PRKCG: variants seen among roughly 807,000 people sequenced by gnomAD.
PRKCG encodes the protein protein kinase C gamma.
Under a neutral mutation model 82.0 loss-of-function variants are expected in PRKCG, and 28 were observed. The observed-to-expected ratio is 0.34, with a 90% CI of 0.25 to 0.47. PRKCG has a LOEUF of 0.47. Among genes scored for constraint, PRKCG ranks in the 20% least tolerant of loss-of-function variants. PRKCG has a pLI of 1.00. For synonymous variants in PRKCG, 383 were observed against 376.6 expected (o/e 1.02, Z -0.20); for missense variants, 640 against 952.7 (o/e 0.67, Z 4.32).
Position 53,884,987 on chromosome 19 carries a change from G to A in PRKCG, c.285+744G>A, listed in dbSNP as rs1008679768. Among the ~76,000 whole-genome samples the A allele has an allele frequency of 6.6e-6, 1 of 152,146 alleles. No individual in the cohort carries two copies. The highest frequency in any genetic ancestry group is 2.4e-5 in the African/African-American group (1 of 41,428). On this transcript the variant is annotated intron_variant, in intron 3 of 17. Transcript: ENST00000263431. This position sits in a 1 kb window ranked among gnomAD's most constrained non-coding sequence, Gnocchi z 4.6. ...GGCTCACAAGACCAGTCAACCCTGA[G>A]TGCCCATTCCCGTTCCCTTTTCTGC... is the stretch of plus-strand genomic sequence containing the variant.
In PRKCG at chr19:53,900,912, T is replaced by C. The variant is rs1361607509; in HGVS notation, c.1575+163T>C. Among the ~76,000 whole-genome samples the C allele has an allele frequency of 6.6e-6, 1 of 152,226 alleles. No individual in the cohort carries two copies. The highest frequency in any genetic ancestry group is 1.5e-5 in the Non-Finnish European group (1 of 68,032). On this transcript the variant is annotated intron_variant, in intron 14 of 17. Coordinates refer to ENST00000263431, the MANE Select transcript of PRKCG (RefSeq NM_002739.5). This position sits in a 1 kb window ranked among gnomAD's most constrained non-coding sequence, Gnocchi z 4.2. ...CCTCCAGCCTCCAGCACAGGTGAGC[T>C]TGGCACTGAGCCTGCCAGGTGGGCC...
In PRKCG at chr19:53,900,508, A is replaced by C; in HGVS notation, c.1436+27A>C. 1 of 1,614,108 alleles carries C rather than the reference A, an allele frequency of 6.2e-7. No homozygotes were observed. Among genetic ancestry groups the C allele is most frequent in the Non-Finnish European group, 8.5e-7 (1 of 1,179,970 alleles). ...TGAGCAGCCCCAGGAATTTCCGTGG[A>C]GGAAATCACGCCCCTGGAAGGGAAG... On this transcript the variant is annotated intron_variant, in intron 13 of 17. Transcript: ENST00000263431. The surrounding 1 kb of genome is among the most constrained non-coding windows in gnomAD (Gnocchi z 4.2).
intron 8 of PRKCG, 125 bp from the exon 9 acceptor site, chr19:53,893,237 G>A: frequency 7.6e-7 from 1 of 1,310,390 alleles, no homozygotes; most frequent in Non-Finnish European, 1.1e-6. Context: ...GAGCCCCAGG[G>A]TCTGATGGGA....
chr19:53,883,108 G>GT lies in PRKCG; in HGVS notation c.171-53dup. ...CGCAGGCCCCCTGTGGCTCGCAGAG[G>GT]TTGGGGGTCCAGGTACCCCTTTCTG... On this transcript the variant is annotated intron_variant, in intron 1 of 17. Transcript: ENST00000263431. The surrounding 1 kb of genome is among the most constrained non-coding windows in gnomAD (Gnocchi z 5.4). The GT allele has an allele frequency of 6.2e-7, 1 of 1,609,602 alleles. No individual in the cohort carries two copies.
At chr19:53,890,748 ATT>A (rs540543756) in intron 5 of PRKCG, among the ~76,000 whole-genome samples, 26,664 of 119,214 alleles carry the variant, frequency 0.22, 2,623 homozygotes, top group South Asian at 0.32. Flanking sequence ...CATCCGGCTA[ATT>A]TTTTTTTTTT....
chr19:53,901,864 AAAG>A (rs1353012537), intron 14 of PRKCG, among the ~76,000 whole-genome samples: 5 of 150,650 alleles, frequency 3.3e-5, no homozygotes, highest in African/African-American at 1.2e-4. Flanking sequence ...AAAAAAAAAA[AAAG>A]AAAAAGAAAA....
intron 14 of PRKCG, 120 bp from the exon 15 acceptor site, chr19:53,902,953 A>T: frequency 3.0e-6 from 2 of 668,952 alleles, no homozygotes; most frequent in African/African-American, 1.8e-5. Flanking sequence ...AAATATTCAG[A>T]GTGGGAAGAG....
chr19:53,894,707 G>A (rs963868518), intron 9 of PRKCG, among the ~76,000 whole-genome samples: 7 of 152,150 alleles, frequency 4.6e-5, no homozygotes, highest in African/African-American at 7.2e-5. Context: ...TGATCCACCC[G>A]CCTTGGCCTC....
In PRKCG at chr19:53,888,279, T is replaced by C. The variant is rs10404792; in HGVS notation, c.286-1359T>C. 8.7e-3 allele frequency among the ~76,000 whole-genome samples: 1,330 copies of C among 152,218 alleles called. 22 individuals carry two copies. The highest frequency in any genetic ancestry group is 0.031 in the African/African-American group (1,274 of 41,536). Reference sequence around the variant, plus strand: ...ATTCAAACTAGAAACCCCACTAACATAGATGAAAATCCAAGAATGGCCTAA... The same window carrying C: ...ATTCAAACTAGAAACCCCACTAACACAGATGAAAATCCAAGAATGGCCTAA... On this transcript the variant is annotated intron_variant, in intron 3 of 17. Coordinates refer to ENST00000263431, the MANE Select transcript of PRKCG (RefSeq NM_002739.5).
chr19:53,896,709 C>T lies in PRKCG; in HGVS notation c.940-1250C>T, dbSNP rs530399446. On this transcript the variant is annotated intron_variant, in intron 9 of 17. Transcript: ENST00000263431. ...TGCTGGGATTACAGGCATGAGCCACCGCACCCAGCCCTCAACAAATATTTA... is the reference window on the plus strand; with the variant it reads ...TGCTGGGATTACAGGCATGAGCCACTGCACCCAGCCCTCAACAAATATTTA... Among the ~76,000 whole-genome samples, 17 of 152,246 alleles carry T rather than the reference C, an allele frequency of 1.1e-4. No homozygotes were observed. In the East Asian group the frequency reaches 1.9e-3, roughly 17 times the overall value.
intron 9 of PRKCG, among the ~76,000 whole-genome samples, chr19:53,895,188 GACATTAA>G (rs1341026375): frequency 6.6e-6 from 1 of 152,112 alleles, no homozygotes; most frequent in African/African-American, 2.4e-5. Context: ...CCGGGAGGAA[GACATTAA>G]ACAAAATATA....
chr19:53,902,906 A>AC (rs1555808291), intron 14 of PRKCG, among the ~76,000 whole-genome samples, 167 bp from the exon 15 acceptor site: 4 of 150,266 alleles, frequency 2.7e-5, no homozygotes, highest in African/African-American at 5.0e-5. Context: ...AAAAAAAAAA[A>AC]AAAAAAAAAA....
Position 53,900,185 on chromosome 19 carries a change from A to G in PRKCG, c.1282-48A>G, listed in dbSNP as rs376997688. The G allele has an allele frequency of 1.3e-6, 2 of 1,543,822 alleles. No individual in the cohort carries two copies. Among genetic ancestry groups the G allele is most frequent in the Non-Finnish European group, 9.0e-7 (1 of 1,116,462 alleles). On this transcript the variant is annotated intron_variant, in intron 11 of 17. Transcript: ENST00000263431. The surrounding 1 kb of genome is among the most constrained non-coding windows in gnomAD (Gnocchi z 4.2). ...GAGTGATCAGGAAAGAAATTCTCCTACTCTGGGTAGATGGATCCCGCCTCT... is the reference window on the plus strand; with the variant it reads ...GAGTGATCAGGAAAGAAATTCTCCTGCTCTGGGTAGATGGATCCCGCCTCT...
rs762064442 is a variant in PRKCG, at chr19:53,900,571, A to G, written c.1437-40A>G. On this transcript the variant is annotated intron_variant, in intron 13 of 17. Coordinates refer to ENST00000263431, the MANE Select transcript of PRKCG (RefSeq NM_002739.5). This position sits in a 1 kb window ranked among gnomAD's most constrained non-coding sequence, Gnocchi z 4.2. ...GTGGCTCTAGACTGCTGAACTCAAC[A>G]CTTCTTGCAATTCCTGCCCCACACC... is the stretch of plus-strand genomic sequence containing the variant. 6.8e-6 allele frequency: 11 copies of G among 1,614,002 alleles called. No individual in the cohort carries two copies. The Admixed American group carries it at 1.8e-4, about 27-fold the overall frequency.
At chr19:53,905,017 T>C (rs2068791419) in intron 16 of PRKCG, among the ~76,000 whole-genome samples, 1 of 152,160 alleles carries the variant, frequency 6.6e-6, no homozygotes, top group African/African-American at 2.4e-5. Flanking sequence ...TCTGTCTGTC[T>C]AGAACTGGGT....
At position 53,900,645 on chromosome 19, in the gene PRKCG, G is replaced by A. The variant is rs756810096; in HGVS notation, c.1471G>A (p.Glu491Lys). The A allele has an allele frequency of 1.9e-6, 3 of 1,614,214 alleles. No individual in the cohort carries two copies. In the East Asian group the frequency reaches 6.7e-5, roughly 36 times the overall value. The change falls in exon 14 of 18, where the codon GAG becomes AAG. Residue 491 changes from glutamate (E) to lysine (K), a missense_variant. Glu to Lys is a moderately conservative substitution (Grantham distance 56). Transcript: ENST00000263431. The surrounding 1 kb of genome is among the most constrained non-coding windows in gnomAD (Gnocchi z 4.2). ...GCTGGACAATGTGATGCTGGATGCT[G>A]AGGGACACATCAAGATCACTGACTT... ...LKLDNVMLDA[E>K]GHIKITDFGM...
Position 53,901,145 on chromosome 19 carries a change from G to A in PRKCG, c.1575+396G>A, listed in dbSNP as rs151329290. Among the ~76,000 whole-genome samples, 522 of 152,334 alleles carry A rather than the reference G, an allele frequency of 3.4e-3. 2 individuals carry two copies. Among genetic ancestry groups the A allele is most frequent in the African/African-American group, 0.012 (484 of 41,568 alleles). On this transcript the variant is annotated intron_variant, in intron 14 of 17. Coordinates refer to ENST00000263431, the MANE Select transcript of PRKCG (RefSeq NM_002739.5). ...GACTATCTTCTGAATACTTTAAACT[G>A]GGCAGGGCTCTCCCTGGAGTATTCA...
chr19:53,904,555 G>T (rs930645385), intron 15 of PRKCG, 80 bp from the exon 16 acceptor site: 2 of 1,247,184 alleles, frequency 1.6e-6, no homozygotes, highest in Non-Finnish European at 2.3e-6. Flanking sequence ...CATGTTCCCG[G>T]TGGGGTGAGG....
rs746159244 is a variant in PRKCG, at chr19:53,884,439, G to A, written c.285+196G>A. ...ATGCGAGGGGGACTGACAGGCTGGG[G>A]ACACGGGTGGGGCACAGAGAGGAGG... On this transcript the variant is annotated intron_variant, in intron 3 of 17. Transcript: ENST00000263431. The surrounding 1 kb of genome is among the most constrained non-coding windows in gnomAD (Gnocchi z 4.6). Among the ~76,000 whole-genome samples the A allele has an allele frequency of 6.6e-6, 1 of 152,126 alleles. No individual in the cohort carries two copies. The highest frequency in any genetic ancestry group is 1.5e-5 in the Non-Finnish European group (1 of 68,028).
Sources: gnomAD v4.1 joint callset for allele counts (sites outside exome capture counted in the v4.1 genomes callset) on GRCh38, gnomAD v4.1.1 for gene constraint, Gnocchi (gnomAD v3.1) non-coding constraint, MANE v1.5 for transcripts, NCBI Gene and HGNC (gene_info 2026-07-23, HGNC 2026-07-21) for gene names.